The following CNNM2 variants were observed in gnomAD, a reference collection of about 807,000 sequenced individuals.
The protein encoded by CNNM2 is metal transporter CNNM2.
Under a neutral mutation model 66.9 loss-of-function variants are expected in CNNM2, and 12 were observed. The ratio of observed to expected loss-of-function variants is 0.18; its 90% CI spans 0.11 to 0.29. The LOEUF (loss-of-function observed/expected upper bound fraction) is 0.29, where lower values mean the gene tolerates loss of function less well. Ranked by LOEUF, CNNM2 falls within the 10% of genes least tolerant of loss-of-function variation. CNNM2 has a pLI of 1.00. For synonymous variants in CNNM2, 557 were observed against 501.8 expected (o/e 1.11, Z -1.47); for missense variants, 705 against 1,167.7 (o/e 0.60, Z 5.77).
At chr10:102,970,328 A>G (rs546541069) in intron 1 of CNNM2, among the ~76,000 whole-genome samples, 2 of 152,278 alleles carry the variant, frequency 1.3e-5, no homozygotes, top group Admixed American at 1.3e-4. Flanking sequence ...AATAATTGTG[A>G]TATGTGAAAA....
chr10:102,932,916 CAAA>C (rs71019636), intron 1 of CNNM2, among the ~76,000 whole-genome samples: 3 of 70,668 alleles, frequency 4.2e-5, no homozygotes, highest in Non-Finnish European at 2.8e-5. Flanking sequence ...GACTCTGTCT[CAAA>C]AAAAAAAAAA....
rs190356169 is a variant in CNNM2, at chr10:103,038,703, G to T, written c.1622-11004G>T. On this transcript the variant is annotated intron_variant, in intron 1 of 7. Transcript: ENST00000369878. ...CTAACCAGGAGTGAGGATGTTCATG[G>T]CTGGACTGAAGGAACTGTCCTGCTA... 1.7e-4 allele frequency among the ~76,000 whole-genome samples: 26 copies of T among 152,260 alleles called. No individual in the cohort carries two copies. In the East Asian group the frequency reaches 3.7e-3, roughly 21 times the overall value.
chr10:103,036,078 A>G lies in CNNM2; in HGVS notation c.1622-13629A>G, dbSNP rs2184996. Among the ~76,000 whole-genome samples, 128,904 of 152,046 alleles carry G rather than the reference A, an allele frequency of 0.85. 55,150 individuals carry two copies. Among genetic ancestry groups the G allele is most frequent in the African/African-American group, 0.96 (39,727 of 41,520 alleles). On this transcript the variant is annotated intron_variant, in intron 1 of 7. Coordinates refer to ENST00000369878, the MANE Select transcript of CNNM2 (RefSeq NM_017649.5). Reference sequence around the variant, plus strand: ...CTTTCTGTTAATCCCTTTGTGGTATAGATCCTGAGTCTATCAGTCAGGATC... The same window carrying G: ...CTTTCTGTTAATCCCTTTGTGGTATGGATCCTGAGTCTATCAGTCAGGATC...
rs1224125255 is a variant in CNNM2 at position 102,958,418 on chromosome 10, C to T, written c.1621+38317C>T. On this transcript the variant is annotated intron_variant, in intron 1 of 7. Coordinates refer to ENST00000369878, the MANE Select transcript of CNNM2 (RefSeq NM_017649.5). The stretch of plus-strand genomic sequence containing the variant: ...AAACCATCCTCTTTTCCAATATAAA[C>T]TGTTGAGTCTGAATTGACTTGTTCT... Among the ~76,000 whole-genome samples, 7 of 143,132 alleles carry T rather than the reference C, an allele frequency of 4.9e-5. No individual in the cohort carries two copies. In the Admixed American group the frequency reaches 4.9e-4, roughly 10 times the overall value. 93.9% of individuals were successfully genotyped at this position (143,132 alleles called of 152,430 possible).
intron 1 of CNNM2, among the ~76,000 whole-genome samples, chr10:103,013,865 A>G (rs1427308288): frequency 1.3e-5 from 2 of 152,184 alleles, no homozygotes; most frequent in Non-Finnish European, 2.9e-5. Context: ...GATTAAATTT[A>G]TTGGAGGGAC....
chr10:103,063,863 T>C (rs2065431575), intron 4 of CNNM2, among the ~76,000 whole-genome samples: 1 of 152,240 alleles, frequency 6.6e-6, no homozygotes, highest in Admixed American at 6.5e-5. Flanking sequence ...AAAAAGTTGT[T>C]ATCTGAAAGG....
intron 1 of CNNM2, among the ~76,000 whole-genome samples, chr10:102,980,107 T>G (rs2063696402): frequency 6.6e-6 from 1 of 151,860 alleles, no homozygotes; most frequent in Non-Finnish European, 1.5e-5. Context: ...TAGAGACAAG[T>G]GTTTCGCCAT....
intron 1 of CNNM2, chr10:102,927,391 G>C (rs753641001): frequency 6.2e-7 from 1 of 1,613,646 alleles, no homozygotes; most frequent in Non-Finnish European, 8.5e-7. Context: ...GAAAAGAAGA[G>C]ACAATAAGAA....
At chr10:103,057,008 C>T (rs2065306190) in intron 4 of CNNM2, 44 bp downstream of exon 4, 1 of 1,570,830 alleles carries the variant, frequency 6.4e-7, no homozygotes, top group Non-Finnish European at 8.6e-7. Flanking sequence ...ACTGAGTATC[C>T]ATCTTTCAGT....
At chr10:102,959,323 T>G (rs1847161451) in intron 1 of CNNM2, among the ~76,000 whole-genome samples, 1 of 152,224 alleles carries the variant, frequency 6.6e-6, no homozygotes, top group Non-Finnish European at 1.5e-5. Context: ...TCAAGCTTTT[T>G]GTAGAAGAGT....
At chr10:103,056,237 G>T (rs2065294396) in intron 3 of CNNM2, among the ~76,000 whole-genome samples, 2 of 152,032 alleles carry the variant, frequency 1.3e-5, no homozygotes, top group South Asian at 4.2e-4. Flanking sequence ...TGCTGTCTTT[G>T]TAAATACTTT....
In CNNM2 at chr10:103,056,892, G is replaced by A; in HGVS notation, c.2001G>A (p.Lys667=). 1 of 1,613,916 alleles carries A rather than the reference G, an allele frequency of 6.2e-7. No individual in the cohort carries two copies. Among genetic ancestry groups the A allele is most frequent in the Non-Finnish European group, 8.5e-7 (1 of 1,179,868 alleles). ...TCCAGGAACTGAAATATGATGAGAA[G>A]AACAAGAAAGCCCCCGAATACTACC... ...NVIQELKYDE[K]NKKAPEYYLY... Residue 667 remains lysine (K), a synonymous_variant, in exon 4 of 8, where the codon AAG becomes AAA. Coordinates refer to ENST00000369878, the MANE Select transcript of CNNM2 (RefSeq NM_017649.5).
chr10:103,087,140 A>AGTGTTTTTTTTTTTTTTTTTTTTTTT lies in CNNM2; in HGVS notation c.*9960_*9961insGTGTTTTTTTTTTTTTTTTTTTTTTT, dbSNP rs2065827293. 1.3e-5 allele frequency: 1 copy of AGTGTTTTTTTTTTTTTTTTTTTTTTT among 75,374 alleles called. No individual in the cohort carries two copies. Among genetic ancestry groups the AGTGTTTTTTTTTTTTTTTTTTTTTTT allele is most frequent in the Non-Finnish European group, 2.3e-5 (1 of 42,740 alleles). 4.7% of individuals were successfully genotyped at this position (75,374 alleles called of 1,614,324 possible). On this transcript the variant is annotated 3_prime_UTR_variant, in exon 8 of 8. Coordinates refer to ENST00000369878, the MANE Select transcript of CNNM2 (RefSeq NM_017649.5). ...TTCTCACGGTATAAAACTCCGCAGG[A>AGTGTTTTTTTTTTTTTTTTTTTTTTT]TTTTTTTTTTTTTTTTTTTTTTTTT...
At chr10:103,032,302 A>G (rs895685918) in intron 1 of CNNM2, among the ~76,000 whole-genome samples, 5 of 151,966 alleles carry the variant, frequency 3.3e-5, no homozygotes, top group Admixed American at 3.3e-4. Context: ...AAGACAAAAA[A>G]CAGCTGGGCG....
chr10:103,000,261 ATAAAT>A (rs2064093430), intron 1 of CNNM2, among the ~76,000 whole-genome samples: 1 of 151,288 alleles, frequency 6.6e-6, no homozygotes, highest in Non-Finnish European at 1.5e-5. Flanking sequence ...AAATAAATAA[ATAAAT>A]AAATAAATAA....
In CNNM2 at chr10:103,037,526, G is replaced by A. The variant is rs76099321; in HGVS notation, c.1622-12181G>A. Reference sequence around the variant, plus strand: ...TATAAAAACGTTTTGTAAAAATCAGGGTCAAATTATTAAATGAAATATTGG... The same window carrying A: ...TATAAAAACGTTTTGTAAAAATCAGAGTCAAATTATTAAATGAAATATTGG... On this transcript the variant is annotated intron_variant, in intron 1 of 7. Transcript: ENST00000369878. Among the ~76,000 whole-genome samples, 4,473 of 151,994 alleles carry A rather than the reference G, an allele frequency of 0.029. 203 individuals are homozygous for A. Among genetic ancestry groups the A allele is most frequent in the Admixed American group, 0.12 (1,814 of 15,246 alleles).
intron 1 of CNNM2, among the ~76,000 whole-genome samples, chr10:103,028,828 C>CTT (rs34401079): frequency 3.0e-5 from 3 of 99,196 alleles, no homozygotes; most frequent in East Asian, 3.0e-4. Context: ...TTTTTTTTTT[C>CTT]TTTTTTTTTT....
chr10:103,058,976 G>T (rs2065340009), intron 4 of CNNM2, among the ~76,000 whole-genome samples: 1 of 152,052 alleles, frequency 6.6e-6, no homozygotes, highest in Non-Finnish European at 1.5e-5. Context: ...TGTTTGTTTT[G>T]TTTTTTGTTT....
At chr10:103,051,085 C>A (rs2065205366) in intron 2 of CNNM2, among the ~76,000 whole-genome samples, 1 of 152,140 alleles carries the variant, frequency 6.6e-6, no homozygotes, top group Non-Finnish European at 1.5e-5. Flanking sequence ...CTGAGCTTCC[C>A]AACAAGCTGG....
Sources: gnomAD v4.1 joint callset for allele counts (sites outside exome capture counted in the v4.1 genomes callset) on GRCh38, gnomAD v4.1.1 for gene constraint, MANE v1.5 for transcripts, NCBI Gene and HGNC (gene_info 2026-07-23, HGNC 2026-07-21) for gene names.